The following OCA2 variants were observed in gnomAD, a reference collection of about 807,000 sequenced individuals.
OCA2 encodes the protein P protein.
In OCA2, 77 loss-of-function variants were observed where a neutral mutation model predicts 100.2. The ratio of observed to expected loss-of-function variants is 0.77; its 90% CI spans 0.64 to 0.93. The LOEUF (loss-of-function observed/expected upper bound fraction) is 0.93. OCA2 is among the 40% of genes least tolerant of loss of function. The pLI is 0.00. For missense variants in OCA2, 1,062 were observed against 1,089.1 expected, an observed-to-expected ratio of 0.98 and a Z score of 0.35; for synonymous variants, 432 against 439.2, an observed-to-expected ratio of 0.98 and a Z score of 0.21.
intron 15 of OCA2, among the ~76,000 whole-genome samples, chr15:27,963,913 T>G (rs1450681213): frequency 6.6e-6 from 1 of 151,982 alleles, no homozygotes; most frequent in Non-Finnish European, 1.5e-5. Context: ...ATGAGAGATA[T>G]GACATTATCA....
chr15:28,028,897 G>T (rs571971795), intron 3 of OCA2, among the ~76,000 whole-genome samples: 2 of 152,192 alleles, frequency 1.3e-5, no homozygotes, highest in East Asian at 3.9e-4. Flanking sequence ...TGTTGGCCAG[G>T]CTAGTCTCGA....
chr15:27,722,785 T>TCTCTCC, the OCA2 span, among the ~76,000 whole-genome samples: 1 of 142,174 alleles, frequency 7.0e-6, no homozygotes, highest in African/African-American at 2.8e-5. Context: ...TTTCTTTCTC[T>TCTCTCC]CTCTCTCTCT....
At chr15:28,078,585 C>T (rs2044510211) in intron 2 of OCA2, among the ~76,000 whole-genome samples, 1 of 152,200 alleles carries the variant, frequency 6.6e-6, no homozygotes, top group South Asian at 2.1e-4. Context: ...CCAGGAAGAA[C>T]CACACCCGGC....
intron 9 of OCA2, among the ~76,000 whole-genome samples, chr15:28,005,586 G>A (rs940590088): frequency 2.0e-5 from 3 of 152,028 alleles, no homozygotes; most frequent in Non-Finnish European, 4.4e-5. Context: ...AGCCATCAAC[G>A]GTGAATCAAG....
chr15:27,770,863 T>TTTCC lies in OCA2; in HGVS notation c.2433-15392_2433-15391insGGAA, dbSNP rs61710750. Among the ~76,000 whole-genome samples, 126 of 92,180 alleles carry TTTCC rather than the reference T, an allele frequency of 1.4e-3. 3 individuals are homozygous for TTTCC. The highest frequency in any genetic ancestry group is 5.0e-3 in the African/African-American group (118 of 23,546). 60.5% of individuals were successfully genotyped at this position (92,180 alleles called of 152,430 possible). A position where few individuals can be genotyped will look rare whatever the true frequency, so the allele number is the denominator to read the frequency against. ...CTCTTTTCCTTCCTTCCTTTCTTCC[T>TTTCC]TCCTTCCCTCCTTCCTTTGCTCCTT... On this transcript the variant is annotated intron_variant, in intron 23 of 23. Coordinates refer to ENST00000354638, the MANE Select transcript of OCA2 (RefSeq NM_000275.3).
chr15:28,028,175 G>T, intron 3 of OCA2, 116 bp from the exon 4 acceptor site: 2 of 1,192,868 alleles, frequency 1.7e-6, no homozygotes, highest in Non-Finnish European at 1.2e-6. Context: ...GTCTTTCAAA[G>T]GACCACAGAC....
intron 19 of OCA2, chr15:27,896,414 G>C: frequency 1.4e-6 from 1 of 717,006 alleles, no homozygotes; most frequent in Non-Finnish European, 2.6e-6. Context: ...AGATGTAAAA[G>C]AAAGCTCATG....
At chr15:28,008,177 TAG>T (rs1566790379) in intron 9 of OCA2, among the ~76,000 whole-genome samples, 1 of 152,084 alleles carries the variant, frequency 6.6e-6, no homozygotes, top group African/African-American at 2.4e-5. Flanking sequence ...AAAAGTAGAG[TAG>T]AGTTTCCTCT....
chr15:27,994,569 G>A (rs1347904855), intron 9 of OCA2, among the ~76,000 whole-genome samples: 1 of 152,168 alleles, frequency 6.6e-6, no homozygotes, highest in Non-Finnish European at 1.5e-5. Context: ...CTCTCTGGTC[G>A]AGCCGACACT....
intron 21 of OCA2, among the ~76,000 whole-genome samples, chr15:27,862,092 G>A (rs886224374): frequency 2.0e-5 from 3 of 152,154 alleles, no homozygotes; most frequent in Non-Finnish European, 2.9e-5. Context: ...AAGCATGGTC[G>A]TCAGCCTTGA....
At chr15:27,722,780 T>TTCCCTCTCTCTCTC in the OCA2 span, among the ~76,000 whole-genome samples, 1 of 134,312 alleles carries the variant, frequency 7.4e-6, no homozygotes, top group South Asian at 2.5e-4. Context: ...TTTTCTTTCT[T>TTCCCTCTCTCTCTC]TCTCTCTCTC....
At chr15:27,965,898 C>A (rs2040548894) in intron 15 of OCA2, among the ~76,000 whole-genome samples, 1 of 152,194 alleles carries the variant, frequency 6.6e-6, no homozygotes, top group East Asian at 1.9e-4. Flanking sequence ...GATGAAAATG[C>A]AAAACGATAA....
At chr15:27,795,022 T>C (rs1256204650) in intron 23 of OCA2, among the ~76,000 whole-genome samples, 4 of 152,134 alleles carry the variant, frequency 2.6e-5, no homozygotes, top group Non-Finnish European at 5.9e-5. Flanking sequence ...AGGTGGGAGA[T>C]ATTGTACAGG....
At chr15:28,040,740 AT>A (rs1436797554) in intron 2 of OCA2, among the ~76,000 whole-genome samples, 1 of 152,198 alleles carries the variant, frequency 6.6e-6, no homozygotes, top group Non-Finnish European at 1.5e-5. Flanking sequence ...CCTAGATGAA[AT>A]GGACAAATTC....
At chr15:27,823,776 A>C (rs1024967494) in intron 23 of OCA2, among the ~76,000 whole-genome samples, 1 of 152,224 alleles carries the variant, frequency 6.6e-6, no homozygotes, top group Non-Finnish European at 1.5e-5. Flanking sequence ...CTTTCAATAA[A>C]TTAGTCATGT....
intron 23 of OCA2, among the ~76,000 whole-genome samples, chr15:27,796,763 C>T (rs924560598): frequency 6.6e-6 from 1 of 152,216 alleles, no homozygotes; most frequent in African/African-American, 2.4e-5. Context: ...TCAGCAGCAA[C>T]TTGCATGAAA....
chr15:27,777,551 A>G (rs1001148424), intron 23 of OCA2, among the ~76,000 whole-genome samples: 1 of 152,154 alleles, frequency 6.6e-6, no homozygotes, highest in Non-Finnish European at 1.5e-5. Context: ...TTATAATCTC[A>G]TTATCCTAAC....
At chr15:27,865,364 G>A (rs545190224) in intron 21 of OCA2, among the ~76,000 whole-genome samples, 392 of 152,286 alleles carry the variant, frequency 2.6e-3, no homozygotes, top group Non-Finnish European at 4.4e-3. Context: ...CCAGTGAAGA[G>A]TGTCCTGTTG....
intron 19 of OCA2, chr15:27,896,327 G>A (rs2037687496): frequency 3.6e-6 from 3 of 841,556 alleles, no homozygotes; most frequent in South Asian, 2.6e-5. Flanking sequence ...GCTACTTAAT[G>A]GAGGAAGATG....
Sources: allele counts gnomAD v4.1 joint callset (sites outside exome capture counted in the v4.1 genomes callset), GRCh38; gene constraint gnomAD v4.1.1; transcripts MANE v1.5; gene names NCBI Gene and HGNC (gene_info 2026-07-23, HGNC 2026-07-21).